KLF16: variants seen among roughly 807,000 people sequenced by gnomAD.
KLF16 encodes the protein KLF transcription factor 16, also known as Krueppel-like factor 16.
A neutral mutation model predicts 6.1 loss-of-function variants in KLF16; 6 were observed. That is an observed-to-expected ratio of 0.98 (90% CI 0.54 to 1.93). The LOEUF is 1.93. Among genes scored for constraint, KLF16 ranks in the 30% most tolerant of loss-of-function variants. The pLI is 0.01. For missense variants in KLF16, 355 were observed against 363.8 expected, an observed-to-expected ratio of 0.98 and a Z score of 0.20; for synonymous variants, 211 against 176.5, an observed-to-expected ratio of 1.20 and a Z score of -1.55.
Position 1,863,292 on chromosome 19 carries a change from C to T in KLF16, c.206G>A (p.Gly69Asp), listed in dbSNP as rs534137413. ...GTGGGGCGCCGCGGCGGCGCCGGGG[C>T]CCGGGCCAGAAGCGGCGGGGGGCGG... Reference protein sequence around the residue: ...PPPPPAASGPGPGAAAAPHLL... With the variant: ...PPPPPAASGPDPGAAAAPHLL... The change falls in exon 1 of 2, where the codon GGC (glycine) becomes GAC (aspartate). Residue 69 changes from glycine (G) to aspartate (D), a missense_variant. By Grantham distance (94) the Gly-to-Asp change is moderately conservative. Transcript: ENST00000250916. 1,590 of 984,470 alleles carry T rather than the reference C, an allele frequency of 1.6e-3. 2 individuals are homozygous for T. The highest frequency in any genetic ancestry group is 5.7e-3 in the Middle Eastern group (11 of 1,930). The allele number at this position is 984,470 out of a possible 1,614,324, so 61.0% of individuals were successfully genotyped here.
chr19:1,855,502 G>A lies in KLF16; in HGVS notation c.458-742C>T, dbSNP rs540073070. ...ACCCCCACGGGACAGATGGCGCTGG[G>A]CAGGGGCGGGCCACCACCCGGCCAC... On this transcript the variant is annotated intron_variant, in intron 1 of 1. Transcript: ENST00000250916. Among the ~76,000 whole-genome samples, 461 of 152,288 alleles carry A rather than the reference G, an allele frequency of 3.0e-3. 2 individuals are homozygous for A. Among genetic ancestry groups the A allele is most frequent in the African/African-American group, 0.011 (440 of 41,576 alleles).
chr19:1,870,668 C>G, the KLF16 span, among the ~76,000 whole-genome samples: 1 of 151,614 alleles, frequency 6.6e-6, no homozygotes, highest in Non-Finnish European at 1.5e-5. Flanking sequence ...GGGTGACAGT[C>G]TGACCCAAAA....
At chr19:1,864,154 C>G (rs2012141372), upstream of KLF16, among the ~76,000 whole-genome samples, 1 of 150,568 alleles carries the variant, frequency 6.6e-6, no homozygotes, top group Non-Finnish European at 1.5e-5. Flanking sequence ...CCGCCCCCTC[C>G]CCGGATGCTT....
In KLF16 at chr19:1,854,542, A is replaced by C. The variant is rs1484388216; in HGVS notation, c.676T>G (p.Ser226Ala). Residue 226 changes from serine (S) to alanine (A), a missense_variant, in exon 2 of 2, where the codon TCC becomes GCC. Ser to Ala is a moderately conservative substitution (Grantham distance 99, BLOSUM62 1). Coordinates refer to ENST00000250916, the MANE Select transcript of KLF16 (RefSeq NM_031918.4). Reference protein sequence around the residue: ...LLRRPGARSTSPSDSLPCSLA... With the variant: ...LLRRPGARSTAPSDSLPCSLA... The stretch of plus-strand genomic sequence containing the variant: ...CTGCAGGGCAGCGAGTCGCTGGGGG[A>C]GGTACTGCGGGCACCAGGGCGCCGG... 6.5e-7 allele frequency: 1 copy of C among 1,545,742 alleles called. No individual in the cohort carries two copies. Among genetic ancestry groups the C allele is most frequent in the Admixed American group, 2.0e-5 (1 of 51,116 alleles).
chr19:1,854,938 G>T (rs575291449), intron 1 of KLF16, among the ~76,000 whole-genome samples, 178 bp from the exon 2 acceptor site: 1 of 152,096 alleles, frequency 6.6e-6, no homozygotes, highest in Admixed American at 6.5e-5. Context: ...CCCGCCCCCC[G>T]GTGGCCCAAC....
chr19:1,868,241 G>A (rs1417667490), upstream of KLF16, among the ~76,000 whole-genome samples: 4 of 152,032 alleles, frequency 2.6e-5, no homozygotes, highest in Non-Finnish European at 1.5e-5. Context: ...ACTCGCTGCC[G>A]CAGAACAGGG....
In KLF16 at chr19:1,853,985, G is replaced by GGGGT. The variant is rs1241176632; in HGVS notation, c.*473_*474insACCC. Reference sequence around the variant, plus strand: ...CTACTCCCATGGCTTTCGGTGGGGTGGGGGTGGGGTGGGGAGAGGCAGGGG... The same window carrying GGGGT: ...CTACTCCCATGGCTTTCGGTGGGGTGGGGTGGGGTGGGGTGGGGAGAGGCAGGGG... On this transcript the variant is annotated 3_prime_UTR_variant, in exon 2 of 2. Coordinates refer to ENST00000250916, the MANE Select transcript of KLF16 (RefSeq NM_031918.4). 6.4e-4 allele frequency: 7 copies of GGGGT among 11,010 alleles called. No homozygotes were observed. The highest frequency in any genetic ancestry group is 1.1e-3 in the Non-Finnish European group (5 of 4,474). The allele number at this position is 11,010 out of a possible 1,614,324, so 0.7% of individuals were successfully genotyped here. A position where few individuals can be genotyped will look rare whatever the true frequency, so the allele number is the denominator to read the frequency against.
chr19:1,867,955 T>C (rs1487755341), upstream of KLF16, among the ~76,000 whole-genome samples: 3 of 142,280 alleles, frequency 2.1e-5, no homozygotes, highest in Admixed American at 7.1e-5. Flanking sequence ...TGTGTGTGTG[T>C]GTGTGTGCGT....
the KLF16 span, among the ~76,000 whole-genome samples, chr19:1,871,169 AT>A: frequency 6.6e-6 from 1 of 152,210 alleles, no homozygotes; most frequent in Non-Finnish European, 1.5e-5. Context: ...AGCCTCACAG[AT>A]GGGGTGGCAA....
At chr19:1,869,406 G>A in the KLF16 span, among the ~76,000 whole-genome samples, 2 of 152,138 alleles carry the variant, frequency 1.3e-5, no homozygotes, top group Non-Finnish European at 1.5e-5. Context: ...CTTGATCCCA[G>A]GAGGCGGAGG....
At chr19:1,876,399 C>A in the KLF16 span, among the ~76,000 whole-genome samples, 9 of 152,354 alleles carry the variant, frequency 5.9e-5, no homozygotes, top group South Asian at 1.9e-3. Flanking sequence ...CGAGTCCTCC[C>A]GGTCCTAAGC....
In KLF16 at chr19:1,863,084, G is replaced by C; in HGVS notation, c.414C>G (p.Tyr138Ter). The C allele has an allele frequency of 7.1e-7, 1 of 1,415,464 alleles. No homozygotes were observed. Among genetic ancestry groups the C allele is most frequent in the Non-Finnish European group, 9.4e-7 (1 of 1,067,046 alleles). 87.7% of individuals were successfully genotyped at this position (1,415,464 alleles called of 1,614,324 possible). The change falls in exon 1 of 2, where the codon TAC (tyrosine) becomes TAG (stop). Residue 138 changes from tyrosine to a stop codon, truncating the protein, a stop_gained. Transcript: ENST00000250916. LOFTEE classifies it low-confidence loss of function (END_TRUNC). ...GCGACTTTAGGTGCGAGGACTTGTA[G>C]TAGGCTTTGGCGCAGTCCGGGAAGG... The part of the protein sequence containing the change: ...RCPFPDCAKA[Y>*]YKSSHLKSHL...
chr19:1,868,476 T>G (rs1023137461), upstream of KLF16, among the ~76,000 whole-genome samples: 27 of 51,366 alleles, frequency 5.3e-4, no homozygotes, highest in African/African-American at 1.0e-3. Flanking sequence ...TTTTTTTTTT[T>G]TTTTTTTTTT....
chr19:1,870,168 G>C, the KLF16 span, among the ~76,000 whole-genome samples: 53 of 147,750 alleles, frequency 3.6e-4, no homozygotes, highest in Admixed American at 1.9e-3. Context: ...CTGACCTCAT[G>C]ATCTGCCCGC....
intron 1 of KLF16, among the ~76,000 whole-genome samples, chr19:1,858,140 T>G (rs1170094544): frequency 6.6e-6 from 1 of 151,868 alleles, no homozygotes; most frequent in African/African-American, 2.4e-5. Context: ...CACCCTTGTG[T>G]CAATCCCGTA....
In KLF16 at chr19:1,863,053, G is replaced by A. The variant is rs868545937; in HGVS notation, c.445C>T (p.Arg149Trp). ...YKSSHLKSHL[R>W]THTGERPFAC... Reference sequence around the variant, plus strand: ...CGGCTGCACTCACCTGTGTGCGTCCGCAGGTGCGACTTTAGGTGCGAGGAC... The same window carrying A: ...CGGCTGCACTCACCTGTGTGCGTCCACAGGTGCGACTTTAGGTGCGAGGAC... Residue 149 changes from arginine (R) to tryptophan (W), a missense_variant, in exon 1 of 2, where the codon CGG (arginine) becomes TGG (tryptophan). Arg to Trp is a moderately radical substitution (Grantham distance 101). Transcript: ENST00000250916. 2 of 1,401,364 alleles carry A rather than the reference G, an allele frequency of 1.4e-6. No individual in the cohort carries two copies. The highest frequency in any genetic ancestry group is 1.9e-6 in the Non-Finnish European group (2 of 1,058,558). The allele number at this position is 1,401,364 out of a possible 1,614,324, so 86.8% of individuals were successfully genotyped here. A position where few individuals can be genotyped will look rare whatever the true frequency, so the allele number is the denominator to read the frequency against.
At chr19:1,861,541 G>A (rs1174445545) in intron 1 of KLF16, 1 of 152,208 alleles carries the variant, frequency 6.6e-6, no homozygotes, top group Non-Finnish European at 1.5e-5. Flanking sequence ...AACACCCTGG[G>A]ACCCCTCCGC....
chr19:1,858,105 C>A lies in KLF16; in HGVS notation c.458-3345G>T, dbSNP rs577353688. Among the ~76,000 whole-genome samples, 26 of 152,160 alleles carry A rather than the reference C, an allele frequency of 1.7e-4. No individual in the cohort carries two copies. The East Asian group carries it at 5.0e-3, about 29-fold the overall frequency. ...CCCTTTCCAAACCCCCTGCTGTTCC[C>A]GCCAAACACGCAGGCAGGCATACCC... is the stretch of plus-strand genomic sequence containing the variant. On this transcript the variant is annotated intron_variant, in intron 1 of 1. Coordinates refer to ENST00000250916, the MANE Select transcript of KLF16 (RefSeq NM_031918.4).
Position 1,863,179 on chromosome 19 carries a change from C to CAG in KLF16, c.318_319insCT (p.Ala107LeufsTer39). 1 of 1,217,782 alleles carries CAG rather than the reference C, an allele frequency of 8.2e-7. No individual in the cohort carries two copies. Among genetic ancestry groups the CAG allele is most frequent in the East Asian group, 3.9e-5 (1 of 25,706 alleles). 75.4% of individuals were successfully genotyped at this position (1,217,782 alleles called of 1,614,324 possible). On this transcript the variant is annotated frameshift_variant, in exon 1 of 2. Transcript: ENST00000250916. LOFTEE classifies it high-confidence loss of function. ...GCGCGGCCCGAGGACGGGGACGAGG[C>CAG]GGCTGAGGAGGAGGAGGCGGGCGAG... is the stretch of plus-strand genomic sequence containing the variant.
Sources: allele counts gnomAD v4.1 joint callset (sites outside exome capture counted in the v4.1 genomes callset), GRCh38; gene constraint gnomAD v4.1.1; transcripts MANE v1.5; gene names NCBI Gene and HGNC (gene_info 2026-07-23, HGNC 2026-07-21).